PKHD1L1: variants seen among roughly 807,000 people sequenced by gnomAD.
The protein encoded by PKHD1L1 is PKHD1 like 1.
Under a neutral mutation model 462.9 loss-of-function variants are expected in PKHD1L1, and 434 were observed. The observed-to-expected ratio is 0.94, with a 90% confidence interval of 0.87 to 1.02. The LOEUF is 1.02. Among genes scored for constraint, PKHD1L1 ranks in the 50% least tolerant of loss-of-function variants. PKHD1L1 has a pLI of 0.00. For synonymous variants in PKHD1L1, 1,781 were observed against 1,750.0 expected (o/e 1.02, Z -0.44); for missense variants, 5,202 against 5,096.1 (o/e 1.02, Z -0.63).
chr8:109,428,606 A>G (rs1814909687), intron 25 of PKHD1L1, among the ~76,000 whole-genome samples: 3 of 152,178 alleles, frequency 2.0e-5, no homozygotes. Context: ...CTCCACAATG[A>G]AGATAGGTCT....
intron 70 of PKHD1L1, among the ~76,000 whole-genome samples, chr8:109,509,838 T>G (rs1819879585): frequency 6.6e-6 from 1 of 152,068 alleles, no homozygotes; most frequent in South Asian, 2.1e-4. Context: ...GTTATAAATA[T>G]TGATAATACT....
chr8:109,372,989 A>G (rs530747877), intron 2 of PKHD1L1, among the ~76,000 whole-genome samples: 1,855 of 152,030 alleles, frequency 0.012, 36 homozygotes, highest in African/African-American at 0.042. Flanking sequence ...ATCTCTGCCC[A>G]GCTTTGGTAT....
In PKHD1L1 at chr8:109,464,752, T is replaced by A. The variant is rs761884329; in HGVS notation, c.7920T>A (p.Ser2640=). ...YFPMQTGSCT[S]TVPAPAIFNS... ...CCATGCAAACGGGATCTTGTACATC[T>A]ACAGTGCCTGCACCTGCAATATTTA... The change falls in exon 49 of 78, where the codon TCT becomes TCA. Residue 2640 remains serine, a synonymous_variant. Transcript: ENST00000378402. The A allele has an allele frequency of 6.2e-7, 1 of 1,613,866 alleles. No homozygotes were observed. The highest frequency in any genetic ancestry group is 1.1e-5 in the South Asian group (1 of 91,082).
chr8:109,497,125 A>G, intron 64 of PKHD1L1, 25 bp from the exon 65 acceptor site: 1 of 1,613,216 alleles, frequency 6.2e-7, no homozygotes. Context: ...CCTTAGTATT[A>G]TGTAACCTGC....
intron 57 of PKHD1L1, among the ~76,000 whole-genome samples, chr8:109,484,807 T>C (rs1818445710): frequency 1.3e-5 from 2 of 151,940 alleles, no homozygotes; most frequent in South Asian, 4.1e-4. Context: ...GCTGTGGTTT[T>C]ACTAAATGGC....
At chr8:109,372,210 G>A (rs1465632784) in intron 2 of PKHD1L1, among the ~76,000 whole-genome samples, 3 of 152,078 alleles carry the variant, frequency 2.0e-5, no homozygotes, top group Non-Finnish European at 4.4e-5. Flanking sequence ...TCCTTGAAGA[G>A]GCCCTTCACA....
rs919450508 is a variant in PKHD1L1, at chr8:109,533,521, T to C, written c.*3431T>C. Among the ~76,000 whole-genome samples the C allele has an allele frequency of 6.6e-6, 1 of 152,168 alleles. No individual in the cohort carries two copies. The highest frequency in any genetic ancestry group is 6.5e-5 in the Admixed American group (1 of 15,280). On this transcript the variant is annotated 3_prime_UTR_variant, in exon 78 of 78. Coordinates refer to ENST00000378402, the MANE Select transcript of PKHD1L1 (RefSeq NM_177531.6). ...ACTGGGCCACCTAGAACAAAGACAA[T>C]TTCCCAGCTTCACTTGCAGTGAGAC... is the stretch of plus-strand genomic sequence containing the variant.
intron 18 of PKHD1L1, among the ~76,000 whole-genome samples, chr8:109,408,764 A>T (rs1411877648): frequency 6.6e-6 from 1 of 152,222 alleles, no homozygotes; most frequent in Non-Finnish European, 1.5e-5. Context: ...CTAGTGGAGC[A>T]TCCTTTCAAA....
chr8:109,400,446 A>G (rs1296390668), intron 13 of PKHD1L1, 102 bp downstream of exon 13: 3 of 1,272,808 alleles, frequency 2.4e-6, no homozygotes, highest in East Asian at 2.5e-5. Context: ...TTTAAAATGT[A>G]TGAGAAATGA....
At chr8:109,410,969 C>T (rs781290246) in intron 19 of PKHD1L1, among the ~76,000 whole-genome samples, 12 of 151,596 alleles carry the variant, frequency 7.9e-5, no homozygotes, top group Non-Finnish European at 1.3e-4. Flanking sequence ...CCTCGTGATC[C>T]GCACGTCTTG....
intron 2 of PKHD1L1, among the ~76,000 whole-genome samples, chr8:109,366,718 G>A (rs1811252621): frequency 1.4e-5 from 2 of 143,966 alleles, no homozygotes; most frequent in Non-Finnish European, 1.5e-5. Flanking sequence ...TTGAGACGGA[G>A]TTTCACTCTT....
At chr8:109,481,606 A>G in intron 56 of PKHD1L1, 44 bp downstream of exon 56, 2 of 1,481,046 alleles carry the variant, frequency 1.4e-6, no homozygotes. Flanking sequence ...TGTTTTAAGA[A>G]TCTACTTTAA....
intron 2 of PKHD1L1, among the ~76,000 whole-genome samples, chr8:109,364,991 G>A (rs1811160090): frequency 6.6e-6 from 1 of 152,008 alleles, no homozygotes; most frequent in African/African-American, 2.4e-5. Context: ...GTGGGTGTTG[G>A]GTAGAATGTT....
intron 62 of PKHD1L1, among the ~76,000 whole-genome samples, chr8:109,492,421 A>T (rs1339635258): frequency 6.6e-6 from 1 of 151,934 alleles, no homozygotes; most frequent in Non-Finnish European, 1.5e-5. Flanking sequence ...TTCTTCAATT[A>T]CTATAGGTGT....
intron 39 of PKHD1L1, 52 bp downstream of exon 39, chr8:109,448,443 AT>A: frequency 6.7e-7 from 1 of 1,492,440 alleles, no homozygotes. Flanking sequence ...GTAAACACTT[AT>A]TTAGAAACCT....
chr8:109,484,039 C>T (rs1462811533), intron 57 of PKHD1L1, among the ~76,000 whole-genome samples: 1 of 151,738 alleles, frequency 6.6e-6, no homozygotes, highest in African/African-American at 2.4e-5. Context: ...CTGGTGAGAA[C>T]AAGCTTTAGA....
Position 109,486,666 on chromosome 8 carries a change from C to T in PKHD1L1, c.9725C>T (p.Pro3242Leu). ...YTHFAEKYHV[P>L]GTGESYTLAA... Reference sequence around the variant, plus strand: ...ACTGCAGCTGAAAAATACCATGTCCCTGGAACTGGTGAGAGCTACACGTTA... The same window carrying T: ...ACTGCAGCTGAAAAATACCATGTCCTTGGAACTGGTGAGAGCTACACGTTA... Residue 3242 changes from proline (P) to leucine (L), a missense_variant, in exon 59 of 78, where the codon CCT (proline) becomes CTT (leucine). By Grantham distance (98) the Pro-to-Leu change is moderately conservative. Coordinates refer to ENST00000378402, the MANE Select transcript of PKHD1L1 (RefSeq NM_177531.6). 1 of 1,611,482 alleles carries T rather than the reference C, an allele frequency of 6.2e-7. No homozygotes were observed. The highest frequency in any genetic ancestry group is 8.5e-7 in the Non-Finnish European group (1 of 1,178,446).
At chr8:109,405,215 G>C (rs532561686) in intron 16 of PKHD1L1, 85 bp downstream of exon 16, 5 of 827,394 alleles carry the variant, frequency 6.0e-6, no homozygotes, top group African/African-American at 5.4e-5. Context: ...AAATTACACT[G>C]TCTGGAAAAT....
Position 109,452,842 on chromosome 8 carries a change from G to C in PKHD1L1, c.6632G>C (p.Ser2211Thr), listed in dbSNP as rs1029056176. ...TKGQTILLDQ[S>T]TPILKMLLIQ... ...GGACAGACCATTCTGCTGGATCAAA[G>C]CACCCCTATTTTGAAAATGTTGCTT... Residue 2211 changes from serine (S) to threonine (T), a missense_variant, in exon 43 of 78, where the codon AGC becomes ACC. Physicochemically the swap from Ser to Thr is moderately conservative, Grantham distance 58. Coordinates refer to ENST00000378402, the MANE Select transcript of PKHD1L1 (RefSeq NM_177531.6). 6.6e-7 allele frequency: 1 copy of C among 1,507,332 alleles called. No individual in the cohort carries two copies. The highest frequency in any genetic ancestry group is 8.9e-7 in the Non-Finnish European group (1 of 1,129,338). The allele number at this position is 1,507,332 out of a possible 1,614,324, so 93.4% of individuals were successfully genotyped here.
Sources: gnomAD v4.1 joint callset for allele counts (sites outside exome capture counted in the v4.1 genomes callset) on GRCh38, gnomAD v4.1.1 for gene constraint, MANE v1.5 for transcripts, NCBI Gene and HGNC (gene_info 2026-07-23, HGNC 2026-07-21) for gene names.